DLGAP2: variants seen among roughly 807,000 people sequenced by gnomAD.
DLGAP2 encodes disks large-associated protein 2.
DLGAP2 carries 26 observed loss-of-function variants against 100.3 expected under a neutral mutation model. That is an observed-to-expected ratio of 0.26 (90% CI 0.19 to 0.36). The LOEUF (loss-of-function observed/expected upper bound fraction) is 0.36, where lower values mean the gene tolerates loss of function less well. Among genes scored for constraint, DLGAP2 ranks in the 10% least tolerant of loss-of-function variants. The probability of loss-of-function intolerance (pLI) is 1.00; values close to 1 mark genes in which losing one functional copy is unlikely to be tolerated. For missense variants in DLGAP2, 1,858 were observed against 1,453.2 expected (o/e 1.28, Z -4.53); for synonymous variants, 886 against 630.1 (o/e 1.41, Z -6.08).
intron 6 of DLGAP2, among the ~76,000 whole-genome samples, chr8:1,620,772 C>T (rs535671079): frequency 6.6e-6 from 1 of 152,290 alleles, no homozygotes; most frequent in South Asian, 2.1e-4. Context: ...CCTCGTCCTC[C>T]AGGCCCCACG....
At chr8:898,916 G>A (rs1313232330) in intron 1 of DLGAP2, among the ~76,000 whole-genome samples, 1 of 152,212 alleles carries the variant, frequency 6.6e-6, no homozygotes, top group East Asian at 1.9e-4. Context: ...TGCACCAGCA[G>A]CGCCGACAGT....
chr8:1,289,818 A>G (rs1800020011), intron 3 of DLGAP2, among the ~76,000 whole-genome samples: 1 of 152,206 alleles, frequency 6.6e-6, no homozygotes, highest in Non-Finnish European at 1.5e-5. Flanking sequence ...CCTGCTCATG[A>G]TGTCTGAACA....
At chr8:1,324,269 C>G (rs1585260204) in intron 3 of DLGAP2, among the ~76,000 whole-genome samples, 1 of 152,202 alleles carries the variant, frequency 6.6e-6, no homozygotes, top group East Asian at 1.9e-4. Flanking sequence ...AATTCAATAA[C>G]AACAGAGTTT....
At chr8:882,521 G>C (rs578012190) in intron 1 of DLGAP2, among the ~76,000 whole-genome samples, 87 of 92,098 alleles carry the variant, frequency 9.4e-4, no homozygotes, top group Non-Finnish European at 1.4e-3. Context: ...CCTCCCCTGC[G>C]CGCACCCTCG....
intron 2 of DLGAP2, among the ~76,000 whole-genome samples, chr8:987,459 G>A (rs1226072202): frequency 6.6e-6 from 1 of 152,154 alleles, no homozygotes; most frequent in African/African-American, 2.4e-5. Context: ...GGTCTCCAGA[G>A]ACCACAGGAG....
intron 8 of DLGAP2, among the ~76,000 whole-genome samples, chr8:1,646,274 C>G (rs1798038816): frequency 6.6e-6 from 1 of 152,168 alleles, no homozygotes; most frequent in Non-Finnish European, 1.5e-5. Context: ...TGAGCCCGCC[C>G]AGATCTCCAG....
rs1244513007 is a variant in DLGAP2, at chr8:1,601,474, G to A, written c.1443-25266G>A. Among the ~76,000 whole-genome samples the A allele has an allele frequency of 3.3e-5, 5 of 152,300 alleles. No individual in the cohort carries two copies. The East Asian group carries it at 9.7e-4, about 29-fold the overall frequency. On this transcript the variant is annotated intron_variant, in intron 6 of 14. Transcript: ENST00000637795. ...TACGTCTGCTGAAGCTGCACCCACAGCCGCCCCTTCCCCCGGGTGCTCTGT... is the reference window on the plus strand; with the variant it reads ...TACGTCTGCTGAAGCTGCACCCACAACCGCCCCTTCCCCCGGGTGCTCTGT...
intron 1 of DLGAP2, among the ~76,000 whole-genome samples, chr8:829,247 A>G (rs1358816179): frequency 3.9e-5 from 6 of 152,340 alleles, no homozygotes; most frequent in Middle Eastern, 6.8e-3. Context: ...TGTAAAAATA[A>G]TCAATATTTG....
In DLGAP2 at chr8:1,138,381, ACTGCGAGGGATTT is replaced by A. The variant is rs1171557015; in HGVS notation, c.74-120467_74-120455del. 4.6e-5 allele frequency among the ~76,000 whole-genome samples: 7 copies of A among 152,172 alleles called. No homozygotes were observed. The East Asian group carries it at 1.4e-3, about 29-fold the overall frequency. On this transcript the variant is annotated intron_variant, in intron 2 of 14. Coordinates refer to ENST00000637795, the MANE Select transcript of DLGAP2 (RefSeq NM_001346810.2). The stretch of plus-strand genomic sequence containing the variant: ...CCTGCCTGCCCTGCATGCTTCCCCC[ACTGCGAGGGATTT>A]CTCCACAGATCTGGCTTCTCCCCTG...
At chr8:1,428,421 A>G (rs1309973987) in intron 3 of DLGAP2, among the ~76,000 whole-genome samples, 1 of 152,172 alleles carries the variant, frequency 6.6e-6, no homozygotes, top group African/African-American at 2.4e-5. Flanking sequence ...TCCTTGAGAG[A>G]GAGAGAGAGA....
chr8:1,644,845 T>C (rs1798004055), intron 8 of DLGAP2, among the ~76,000 whole-genome samples: 1 of 152,210 alleles, frequency 6.6e-6, no homozygotes, highest in South Asian at 2.1e-4. Flanking sequence ...AGCATTACAT[T>C]AAAAACAAAT....
At chr8:1,548,319 C>A (rs2404624) in intron 4 of DLGAP2, among the ~76,000 whole-genome samples, 1 of 149,072 alleles carries the variant, frequency 6.7e-6, no homozygotes. Context: ...ATTAGCCGGG[C>A]GTGGTGGCAG....
chr8:1,382,625 C>T (rs948370684), intron 3 of DLGAP2, among the ~76,000 whole-genome samples: 1 of 151,952 alleles, frequency 6.6e-6, no homozygotes, highest in African/African-American at 2.4e-5. Context: ...GCCTGCAGTC[C>T]CAGCTACTTT....
At chr8:1,575,841 C>T (rs996531111) in intron 6 of DLGAP2, among the ~76,000 whole-genome samples, 2 of 151,914 alleles carry the variant, frequency 1.3e-5, no homozygotes, top group African/African-American at 4.8e-5. Flanking sequence ...TGTATATGTG[C>T]CACATTTTCT....
rs926396087 is a variant in DLGAP2 at position 1,193,582 on chromosome 8, G to C, written c.74-65269G>C. Among the ~76,000 whole-genome samples, 5 of 152,312 alleles carry C rather than the reference G, an allele frequency of 3.3e-5. No homozygotes were observed. In the East Asian group the frequency reaches 7.7e-4, roughly 24 times the overall value. ...TCTTGTTTAAAGCTGGATATACGCT[G>C]CTGTGTCCACACACCACCCCATTAT... On this transcript the variant is annotated intron_variant, in intron 2 of 14. Transcript: ENST00000637795.
At chr8:1,122,924 C>G (rs531529164) in intron 2 of DLGAP2, among the ~76,000 whole-genome samples, 56 of 152,288 alleles carry the variant, frequency 3.7e-4, no homozygotes, top group African/African-American at 1.3e-3. Flanking sequence ...GTGATACCAG[C>G]TCTTAAGAAC....
chr8:912,816 CCA>C (rs1384685459), intron 2 of DLGAP2, among the ~76,000 whole-genome samples: 1 of 147,150 alleles, frequency 6.8e-6, no homozygotes, highest in African/African-American at 2.5e-5. Flanking sequence ...GCTTCCCACA[CCA>C]CAGTGTCCAT....
intron 1 of DLGAP2, among the ~76,000 whole-genome samples, chr8:777,536 G>A (rs1261819790): frequency 1.3e-5 from 2 of 151,704 alleles, no homozygotes; most frequent in Non-Finnish European, 1.5e-5. Flanking sequence ...GCTCTTTTAG[G>A]GCAGGCCTGG....
chr8:1,249,812 T>C (rs1798996681), intron 2 of DLGAP2, among the ~76,000 whole-genome samples: 1 of 152,206 alleles, frequency 6.6e-6, no homozygotes, highest in Admixed American at 6.5e-5. Context: ...CGTTAGGCAG[T>C]GAGCACATAT....
Sources: allele counts gnomAD v4.1 joint callset (sites outside exome capture counted in the v4.1 genomes callset), GRCh38; gene constraint gnomAD v4.1.1; transcripts MANE v1.5; gene names NCBI Gene and HGNC (gene_info 2026-07-23, HGNC 2026-07-21).